Variants in SOX6 observed in about 807,000 individuals in gnomAD.
SOX6 encodes SRY-box transcription factor 6.
SOX6 carries 11 observed loss-of-function variants against 97.8 expected under a neutral mutation model. The observed-to-expected ratio is 0.11, with a 90% CI of 0.07 to 0.19. The LOEUF is 0.19. SOX6 is among the 10% of genes least tolerant of loss of function. SOX6 has a pLI of 1.00. For synonymous variants in SOX6, 360 were observed against 371.4 expected (o/e 0.97, Z 0.35); for missense variants, 810 against 1,039.5 (o/e 0.78, Z 3.04).
chr11:16,737,977 G>GT (rs1714992586), intron 1 of SOX6, among the ~76,000 whole-genome samples: 2 of 152,024 alleles, frequency 1.3e-5, no homozygotes, highest in Admixed American at 1.3e-4. Flanking sequence ...TACTGTAACG[G>GT]TGCCCAGACA....
chr11:16,094,594 T>C (rs751676244), intron 9 of SOX6, among the ~76,000 whole-genome samples: 1 of 151,930 alleles, frequency 6.6e-6, no homozygotes, highest in African/African-American at 2.4e-5. Context: ...CTGACTGTCC[T>C]GAGTAGATAA....
Position 16,165,028 on chromosome 11 carries a change from A to G in SOX6, c.777+18858T>C, listed in dbSNP as rs112728602. On this transcript the variant is annotated intron_variant, in intron 6 of 15. Transcript: ENST00000683767. ...TTTCCTATTGTTGATTACTAAAATA[A>G]CAAATAGTAAAGCAGTTCTTTAAAA... Among the ~76,000 whole-genome samples the G allele has an allele frequency of 7.6e-3, 1,161 of 152,292 alleles. 17 individuals carry two copies. Among genetic ancestry groups the G allele is most frequent in the African/African-American group, 0.027 (1,111 of 41,562 alleles).
chr11:16,495,763 AAG>A (rs1860584945), intron 4 of SOX6, among the ~76,000 whole-genome samples: 2 of 152,156 alleles, frequency 1.3e-5, no homozygotes, highest in African/African-American at 4.8e-5. Flanking sequence ...AAGCTACCTG[AAG>A]GCCTAAGAAT....
intron 2 of SOX6, among the ~76,000 whole-genome samples, chr11:16,335,498 T>C (rs559974543): frequency 6.6e-6 from 1 of 152,296 alleles, no homozygotes; most frequent in East Asian, 1.9e-4. Flanking sequence ...CTACACTTTC[T>C]AAAGTACAGT....
chr11:16,104,647 C>T (rs1045434716), intron 7 of SOX6, among the ~76,000 whole-genome samples: 1 of 151,662 alleles, frequency 6.6e-6, no homozygotes, highest in Non-Finnish European at 1.5e-5. Context: ...AGATTACACA[C>T]ATACACACAC....
intron 4 of SOX6, among the ~76,000 whole-genome samples, 181 bp downstream of exon 4, chr11:16,234,401 T>C (rs1852953035): frequency 6.6e-6 from 1 of 152,172 alleles, no homozygotes; most frequent in South Asian, 2.1e-4. Context: ...GGGGAAATTT[T>C]TCAGTTTGTA....
chr11:16,444,133 A>T lies in SOX6; in HGVS notation c.-5+32182T>A, dbSNP rs74728838. 7.9e-3 allele frequency among the ~76,000 whole-genome samples: 1,122 copies of T among 141,416 alleles called. 16 individuals are homozygous for T. The highest frequency in any genetic ancestry group is 0.029 in the African/African-American group (1,004 of 34,632). The allele number at this position is 141,416 out of a possible 152,430, so 92.8% of individuals were successfully genotyped here. A position where few individuals can be genotyped will look rare whatever the true frequency, so the allele number is the denominator to read the frequency against. On this transcript the variant is annotated intron_variant, in intron 1 of 15. Transcript: ENST00000396356. ...GAAAACAAGAAGCAAAAACTGTTAT[A>T]AAAAAAAAAGTAAGTTGTTTTAGTA... is the stretch of plus-strand genomic sequence containing the variant.
intron 3 of SOX6, among the ~76,000 whole-genome samples, chr11:16,255,309 A>G (rs1853650466): frequency 6.6e-6 from 1 of 152,164 alleles, no homozygotes; most frequent in Admixed American, 6.5e-5. Flanking sequence ...CAGTTTACAC[A>G]TTCTTCTCAA....
At chr11:16,002,221 G>A (rs1286928141) in intron 13 of SOX6, among the ~76,000 whole-genome samples, 1 of 152,158 alleles carries the variant, frequency 6.6e-6, no homozygotes, top group Non-Finnish European at 1.5e-5. Flanking sequence ...CTATACTAAA[G>A]CCTTTTGTGG....
chr11:16,031,719 G>A (rs1011798219), intron 12 of SOX6, among the ~76,000 whole-genome samples: 1 of 151,936 alleles, frequency 6.6e-6, no homozygotes, highest in Non-Finnish European at 1.5e-5. Flanking sequence ...GAAGGAGAGA[G>A]GGAGGGTGGA....
chr11:16,310,645 G>A (rs1396204264), intron 3 of SOX6, among the ~76,000 whole-genome samples: 1 of 151,996 alleles, frequency 6.6e-6, no homozygotes. Context: ...GTGGTCCTGG[G>A]AAACTTCAGC....
At chr11:16,125,129 A>G (rs1188963985) in intron 6 of SOX6, among the ~76,000 whole-genome samples, 1 of 152,118 alleles carries the variant, frequency 6.6e-6, no homozygotes, top group Non-Finnish European at 1.5e-5. Flanking sequence ...CATATAAGAT[A>G]GAAGCACATC....
At chr11:16,043,031 C>CT (rs1422543868) in intron 12 of SOX6, among the ~76,000 whole-genome samples, 1 of 152,158 alleles carries the variant, frequency 6.6e-6, no homozygotes, top group African/African-American at 2.4e-5. Flanking sequence ...ACTTTAACAT[C>CT]TACCCCTTCA....
chr11:16,260,843 C>T (rs1223624532), intron 3 of SOX6, among the ~76,000 whole-genome samples: 2 of 152,092 alleles, frequency 1.3e-5, no homozygotes, highest in African/African-American at 4.8e-5. Flanking sequence ...ACCCACTTAC[C>T]TCTCCAGCTA....
chr11:16,011,266 T>G (rs1225437398), intron 13 of SOX6, among the ~76,000 whole-genome samples: 1 of 152,094 alleles, frequency 6.6e-6, no homozygotes, highest in African/African-American at 2.4e-5. Context: ...ATGTCCTACA[T>G]AGGAGCTAAC....
chr11:16,362,621 T>A (rs1857237783), intron 1 of SOX6, among the ~76,000 whole-genome samples: 1 of 151,504 alleles, frequency 6.6e-6, no homozygotes, highest in Non-Finnish European at 1.5e-5. Context: ...ATGCTGTATG[T>A]GGTGAAAAAA....
At chr11:16,694,034 C>A (rs1848034905) in intron 3 of SOX6, among the ~76,000 whole-genome samples, 1 of 152,178 alleles carries the variant, frequency 6.6e-6, no homozygotes, top group South Asian at 2.1e-4. Flanking sequence ...AACCAAGTAT[C>A]TAACTTGTTT....
intron 3 of SOX6, among the ~76,000 whole-genome samples, chr11:16,285,088 C>A (rs2134248686): frequency 6.6e-6 from 1 of 152,148 alleles, no homozygotes; most frequent in African/African-American, 2.4e-5. Context: ...GTGAGCCTAA[C>A]TGGACAACAG....
chr11:16,251,239 G>A (rs894120915), intron 3 of SOX6, among the ~76,000 whole-genome samples: 7 of 151,748 alleles, frequency 4.6e-5, no homozygotes, highest in Non-Finnish European at 7.4e-5. Context: ...AGAAATAAAC[G>A]CCCAAAAATG....
Sources: allele counts gnomAD v4.1 joint callset (sites outside exome capture counted in the v4.1 genomes callset), GRCh38; gene constraint gnomAD v4.1.1; transcripts MANE v1.5; gene names NCBI Gene and HGNC (gene_info 2026-07-23, HGNC 2026-07-21).